TMEM233: variants seen among roughly 807,000 people sequenced by gnomAD.
The protein encoded by TMEM233 is dispanin subfamily B member 2.
TMEM233 carries 6 observed loss-of-function variants against 11.2 expected under a neutral mutation model. That is an observed-to-expected ratio of 0.54 (90% CI 0.29 to 1.06). The LOEUF (loss-of-function observed/expected upper bound fraction) is 1.06, where lower values mean the gene tolerates loss of function less well. Among genes scored for constraint, TMEM233 ranks in the 50% least tolerant of loss-of-function variants. The probability of loss-of-function intolerance (pLI) is 0.08; values close to 1 mark genes in which losing one functional copy is unlikely to be tolerated. For missense variants in TMEM233, 127 were observed against 144.7 expected (o/e 0.88, Z 0.63); for synonymous variants, 59 against 55.8 (o/e 1.06, Z -0.26).
intron 1 of TMEM233, among the ~76,000 whole-genome samples, chr12:119,613,122 G>A (rs1370016728): frequency 6.8e-6 from 1 of 148,108 alleles, no homozygotes; most frequent in African/African-American, 2.5e-5. Flanking sequence ...CCCCCCAATT[G>A]TTTGGTCAAC....
chr12:119,619,853 T>C (rs970159638), intron 1 of TMEM233, among the ~76,000 whole-genome samples: 4 of 152,210 alleles, frequency 2.6e-5, no homozygotes, highest in African/African-American at 9.6e-5. Context: ...AAATTTAAAA[T>C]CACCTGTGTG....
At chr12:119,620,892 T>C (rs1034336605) in intron 1 of TMEM233, among the ~76,000 whole-genome samples, 2 of 152,174 alleles carry the variant, frequency 1.3e-5, no homozygotes, top group Non-Finnish European at 2.9e-5. Flanking sequence ...TATTTTTTAT[T>C]TTTTCAGATA....
At chr12:119,634,956 A>G (rs984906566) in intron 2 of TMEM233, among the ~76,000 whole-genome samples, 1 of 152,238 alleles carries the variant, frequency 6.6e-6, no homozygotes, top group African/African-American at 2.4e-5. Flanking sequence ...CTGAAATATT[A>G]AACCATTTTG....
Position 119,594,928 on chromosome 12 carries a change from A to G in TMEM233, c.186+894A>G, listed in dbSNP as rs555010829. 6.6e-6 allele frequency among the ~76,000 whole-genome samples: 1 copy of G among 151,450 alleles called. No individual in the cohort carries two copies. The highest frequency in any genetic ancestry group is 2.0e-4 in the East Asian group (1 of 5,056). On this transcript the variant is annotated intron_variant, in intron 1 of 2. Transcript: ENST00000426426. This position sits in a 1 kb window ranked among gnomAD's most constrained non-coding sequence, Gnocchi z 5.6. ...CCCCAGAGCTCCCAGGCGCCCCTCC[A>G]CCGCTCTGTCCTGCGCCCGGGGCTC...
At chr12:119,649,886 C>T in the TMEM233 span, among the ~76,000 whole-genome samples, 2 of 130,218 alleles carry the variant, frequency 1.5e-5, no homozygotes, top group Non-Finnish European at 3.2e-5. Flanking sequence ...GGGCCGGGCG[C>T]GTTGGCTCAC....
intron 1 of TMEM233, among the ~76,000 whole-genome samples, chr12:119,605,409 CTTTTTTTTTTTTTTTTT>C (rs6144897): frequency 0.019 from 1,814 of 93,606 alleles, 49 homozygotes; most frequent in African/African-American, 0.063. Flanking sequence ...TATGCCTTTC[CTTTTTTTTTTTTTTTTT>C]TTTTTTTTTT....
Position 119,611,816 on chromosome 12 carries a change from T to C in TMEM233, c.186+17782T>C, listed in dbSNP as rs115765753. On this transcript the variant is annotated intron_variant, in intron 1 of 2. Transcript: ENST00000426426. ...TGGGCTAGGCTCTGAACTCAACTCC[T>C]AAGTCTGAATCCCAGCTCTGCTCTT... is the stretch of plus-strand genomic sequence containing the variant. Among the ~76,000 whole-genome samples the C allele has an allele frequency of 5.0e-3, 768 of 152,236 alleles. 6 individuals carry two copies. Among genetic ancestry groups the C allele is most frequent in the African/African-American group, 0.018 (730 of 41,548 alleles).
chr12:119,631,482 G>C, intron 2 of TMEM233: 3 of 985,076 alleles, frequency 3.0e-6, no homozygotes, highest in Non-Finnish European at 3.6e-6. Context: ...AAATGGCTTT[G>C]GCCAAATAAA....
At chr12:119,625,723 AT>A (rs1954742219) in intron 1 of TMEM233, among the ~76,000 whole-genome samples, 1 of 152,008 alleles carries the variant, frequency 6.6e-6, no homozygotes, top group Non-Finnish European at 1.5e-5. Flanking sequence ...AATAGTTAAC[AT>A]TTTTTGCCAT....
chr12:119,623,804 A>G (rs879048539), intron 1 of TMEM233, among the ~76,000 whole-genome samples: 8 of 152,158 alleles, frequency 5.3e-5, no homozygotes, highest in Admixed American at 2.6e-4. Flanking sequence ...CATTAATTCA[A>G]TGTGAAGTGG....
At chr12:119,633,908 A>G (rs1163714452) in intron 2 of TMEM233, among the ~76,000 whole-genome samples, 2 of 148,378 alleles carry the variant, frequency 1.3e-5, no homozygotes, top group African/African-American at 4.9e-5. Flanking sequence ...CCTCACCTCC[A>G]AAGATTCCAA....
intron 1 of TMEM233, among the ~76,000 whole-genome samples, chr12:119,608,893 G>A (rs972103845): frequency 2.0e-5 from 3 of 152,192 alleles, no homozygotes; most frequent in South Asian, 4.2e-4. Flanking sequence ...ATAAATGCCC[G>A]CCTTTCTTGG....
intron 1 of TMEM233, among the ~76,000 whole-genome samples, chr12:119,628,456 C>T (rs535881559): frequency 2.0e-5 from 3 of 149,814 alleles, no homozygotes; most frequent in Non-Finnish European, 4.4e-5. Flanking sequence ...CCAGCACGCC[C>T]GGCCTAAAGC....
chr12:119,637,317 G>A (rs2136795832), intron 2 of TMEM233, among the ~76,000 whole-genome samples: 1 of 152,290 alleles, frequency 6.6e-6, no homozygotes, highest in East Asian at 1.9e-4. Flanking sequence ...CAGCCTTTGT[G>A]CTCCAAGGTT....
downstream of TMEM233, among the ~76,000 whole-genome samples, chr12:119,647,441 T>C (rs1955168449): frequency 1.3e-5 from 2 of 152,118 alleles, no homozygotes; most frequent in South Asian, 4.2e-4. Flanking sequence ...TTCCACAACT[T>C]TGTTTATTCT....
At chr12:119,599,220 G>A (rs1042695103) in intron 1 of TMEM233, among the ~76,000 whole-genome samples, 1 of 152,138 alleles carries the variant, frequency 6.6e-6, no homozygotes, top group African/African-American at 2.4e-5. Flanking sequence ...AGTGCTATTT[G>A]GTAGCACAAT....
intron 1 of TMEM233, among the ~76,000 whole-genome samples, chr12:119,610,867 T>A (rs10849679): frequency 0.78 from 119,094 of 152,132 alleles, 46,797 homozygotes; most frequent in Middle Eastern, 0.85. Context: ...GCAATCTCTA[T>A]TCTACTGTCT....
At chr12:119,613,764 A>G (rs1475013936) in intron 1 of TMEM233, among the ~76,000 whole-genome samples, 1 of 152,156 alleles carries the variant, frequency 6.6e-6, no homozygotes, top group Non-Finnish European at 1.5e-5. Flanking sequence ...GCACTGAGCT[A>G]TGATTGCACC....
chr12:119,617,247 A>C (rs966148732), intron 1 of TMEM233, among the ~76,000 whole-genome samples: 1 of 152,214 alleles, frequency 6.6e-6, no homozygotes, highest in African/African-American at 2.4e-5. Flanking sequence ...AGAACTTCTT[A>C]GAGACTTGTT....
Sources: gnomAD v4.1 joint callset for allele counts (sites outside exome capture counted in the v4.1 genomes callset) on GRCh38, gnomAD v4.1.1 for gene constraint, Gnocchi (gnomAD v3.1) non-coding constraint, MANE v1.5 for transcripts, NCBI Gene and HGNC (gene_info 2026-07-23, HGNC 2026-07-21) for gene names.